ARPC2: variants seen among roughly 807,000 people sequenced by gnomAD.
ARPC2 encodes the protein actin related protein 2/3 complex subunit 2.
A neutral mutation model predicts 38.6 loss-of-function variants in ARPC2; 4 were observed. That is an observed-to-expected ratio of 0.10 (90% CI 0.05 to 0.24). The LOEUF is 0.24. Ranked by LOEUF, ARPC2 falls within the 10% of genes least tolerant of loss-of-function variation. The pLI is 1.00. For missense variants in ARPC2, 229 were observed against 387.3 expected (o/e 0.59, Z 3.43); for synonymous variants, 125 against 140.8 (o/e 0.89, Z 0.79).
At position 218,240,772 on chromosome 2, in the gene ARPC2, A is replaced by C. The variant is rs182786511; in HGVS notation, c.549+1288A>C. ...GCCGGGTGTGGTGGCAGGCACCTGT[A>C]ATCCCAGCCACTTGGGAGGCTGAGG... On this transcript the variant is annotated intron_variant, in intron 7 of 10. Coordinates refer to ENST00000315717, the MANE Select transcript of ARPC2 (RefSeq NM_152862.3). Among the ~76,000 whole-genome samples, 682 of 152,292 alleles carry C rather than the reference A, an allele frequency of 4.5e-3. 9 individuals carry two copies. The highest frequency in any genetic ancestry group is 0.015 in the African/African-American group (637 of 41,562).
chr2:218,222,286 G>A (rs1689400461), intron 2 of ARPC2, among the ~76,000 whole-genome samples: 1 of 151,908 alleles, frequency 6.6e-6, no homozygotes, highest in Admixed American at 6.6e-5. Flanking sequence ...GAAAAAAATG[G>A]GGAATTGGAT....
chr2:218,227,521 A>C (rs1689528831), intron 3 of ARPC2, among the ~76,000 whole-genome samples: 1 of 151,294 alleles, frequency 6.6e-6, no homozygotes, highest in African/African-American at 2.4e-5. Context: ...CACCTCCCCG[A>C]GTTCAAGCGA....
intron 4 of ARPC2, among the ~76,000 whole-genome samples, chr2:218,230,021 A>C (rs1689592466): frequency 1.3e-5 from 2 of 151,126 alleles, no homozygotes; most frequent in African/African-American, 2.4e-5. Flanking sequence ...CCCAGGCTGT[A>C]CTGCAGTGGC....
intron 6 of ARPC2, chr2:218,239,090 C>G: frequency 1.8e-6 from 1 of 565,152 alleles, no homozygotes; most frequent in Admixed American, 3.3e-5. Flanking sequence ...TAAGGCACCA[C>G]TGTTCTGAGT....
At chr2:218,245,817 G>GT (rs970681505) in intron 8 of ARPC2, among the ~76,000 whole-genome samples, 4 of 152,094 alleles carry the variant, frequency 2.6e-5, no homozygotes, top group Non-Finnish European at 4.4e-5. Flanking sequence ...GATATCAAGA[G>GT]TTAAGGTCCC....
chr2:218,226,043 C>T, intron 3 of ARPC2, 89 bp downstream of exon 3: 1 of 1,388,814 alleles, frequency 7.2e-7, no homozygotes, highest in East Asian at 2.3e-5. Context: ...GCCTGTAATC[C>T]CAGCACTTTG....
chr2:218,239,871 A>T lies in ARPC2; in HGVS notation c.549+387A>T, dbSNP rs548110115. On this transcript the variant is annotated intron_variant, in intron 7 of 10. Coordinates refer to ENST00000315717, the MANE Select transcript of ARPC2 (RefSeq NM_152862.3). The stretch of plus-strand genomic sequence containing the variant: ...CTCCCAAAGTGCTGGTATTACAGGC[A>T]TGAGCCACCATGCCCAGCCTTGACG... 2.4e-4 allele frequency among the ~76,000 whole-genome samples: 37 copies of T among 152,262 alleles called. No homozygotes were observed. In the South Asian group the frequency reaches 7.0e-3, roughly 29 times the overall value.
intron 7 of ARPC2, among the ~76,000 whole-genome samples, chr2:218,243,257 A>G (rs1242895824): frequency 6.6e-6 from 1 of 152,192 alleles, no homozygotes; most frequent in Non-Finnish European, 1.5e-5. Context: ...TGCCTTGTAT[A>G]TATTTGGATT....
At chr2:218,239,197 A>G (rs1005944588) in intron 6 of ARPC2, 194 bp from the exon 7 acceptor site, 33 of 588,910 alleles carry the variant, frequency 5.6e-5, no homozygotes, top group South Asian at 4.6e-4. Context: ...GATAATTTCC[A>G]TCTGCTGCCT....
At chr2:218,249,316 G>T in intron 8 of ARPC2, 48 bp from the exon 9 acceptor site, 1 of 1,355,992 alleles carries the variant, frequency 7.4e-7, no homozygotes, top group Non-Finnish European at 1.0e-6. Context: ...CCCACCCTTT[G>T]GCATTTGTGT....
intron 2 of ARPC2, among the ~76,000 whole-genome samples, chr2:218,223,299 CT>C (rs1246280451): frequency 1.3e-5 from 2 of 152,234 alleles, no homozygotes; most frequent in African/African-American, 4.8e-5. Flanking sequence ...AGTGTGTACG[CT>C]ACCCTCTGTT....
rs1689280623 is a variant in ARPC2 at position 218,217,515 on chromosome 2, C to T, written c.45C>T (p.Leu15=). 1 of 1,613,796 alleles carries T rather than the reference C, an allele frequency of 6.2e-7. No homozygotes were observed. Among genetic ancestry groups the T allele is most frequent in the East Asian group, 2.2e-5 (1 of 44,844 alleles). ...ACAACCGCATCATCGAGGAGACGCT[C>T]GCGCTCAAGTTCGAGAACGCGGCCG... is the stretch of plus-strand genomic sequence containing the variant. ...EVNNRIIEET[L]ALKFENAAAG... is the part of the protein sequence containing the mutation. The change falls in exon 2 of 11, where the codon CTC becomes CTT. Residue 15 remains leucine, a synonymous_variant. Transcript: ENST00000315717.
intron 8 of ARPC2, among the ~76,000 whole-genome samples, chr2:218,248,901 A>G (rs1690112912): frequency 6.6e-6 from 1 of 152,224 alleles, no homozygotes; most frequent in Non-Finnish European, 1.5e-5. Context: ...AATATGGGAA[A>G]TTCTCTGGCA....
chr2:218,227,640 G>T (rs1444130288), intron 3 of ARPC2, among the ~76,000 whole-genome samples: 1 of 151,654 alleles, frequency 6.6e-6, no homozygotes, highest in Non-Finnish European at 1.5e-5. Context: ...GCCCAGGCTG[G>T]AGTGCAATGG....
chr2:218,218,248 T>C (rs2106140510), intron 2 of ARPC2, among the ~76,000 whole-genome samples: 1 of 152,360 alleles, frequency 6.6e-6, no homozygotes, highest in African/African-American at 2.4e-5. Flanking sequence ...CTAGCCTTTA[T>C]CTGGTTATCT....
chr2:218,233,238 A>C (rs1020613877), intron 4 of ARPC2: 3 of 152,140 alleles, frequency 2.0e-5, no homozygotes, highest in Non-Finnish European at 4.4e-5. Context: ...CTGTAGTCCT[A>C]GCTACTCAGG....
chr2:218,230,287 C>CTTTTTTTTTTTTTT (rs768585570), intron 4 of ARPC2, among the ~76,000 whole-genome samples: 38 of 73,010 alleles, frequency 5.2e-4, no homozygotes, highest in African/African-American at 9.1e-4. Flanking sequence ...TTTTTTTTTT[C>CTTTTTTTTTTTTTT]TTTTTTTTTT....
At chr2:218,239,343 A>G in intron 6 of ARPC2, 48 bp from the exon 7 acceptor site, 1 of 1,373,414 alleles carries the variant, frequency 7.3e-7, no homozygotes, top group Non-Finnish European at 1.0e-6. Context: ...TATTGACAAA[A>G]CCCCATTCTG....
chr2:218,249,481 C>T lies in ARPC2; in HGVS notation c.777+17C>T, dbSNP rs776516013. On this transcript the variant is annotated intron_variant, in intron 9 of 10. Coordinates refer to ENST00000315717, the MANE Select transcript of ARPC2 (RefSeq NM_152862.3). Reference sequence around the variant, plus strand: ...TGCTCTAAGGTGAGGGGGGTGCCAGCATCTCAGCCTCTATGCTCTGGGTCT... The same window carrying T: ...TGCTCTAAGGTGAGGGGGGTGCCAGTATCTCAGCCTCTATGCTCTGGGTCT... The T allele has an allele frequency of 4.5e-6, 7 of 1,550,190 alleles. No individual in the cohort carries two copies. The East Asian group carries it at 1.1e-4, about 25-fold the overall frequency.
Sources: gnomAD v4.1 joint callset for allele counts (sites outside exome capture counted in the v4.1 genomes callset) on GRCh38, gnomAD v4.1.1 for gene constraint, MANE v1.5 for transcripts, NCBI Gene and HGNC (gene_info 2026-07-23, HGNC 2026-07-21) for gene names.